Variants in KCNU1 observed in about 807,000 individuals in gnomAD.
KCNU1 encodes the protein potassium calcium-activated channel subfamily U member 1, also known as potassium channel subfamily U member 1.
In KCNU1, 93 loss-of-function variants were observed where a neutral mutation model predicts 126.8. That is an observed-to-expected ratio of 0.73 (90% CI 0.62 to 0.87). The LOEUF is 0.87. Among genes scored for constraint, KCNU1 ranks in the 40% least tolerant of loss-of-function variants. The pLI, the probability that KCNU1 is intolerant of heterozygous loss-of-function variation, is 0.00. For synonymous variants in KCNU1, 523 were observed against 494.2 expected (o/e 1.06, Z -0.77); for missense variants, 1,330 against 1,367.1 (o/e 0.97, Z 0.43).
chr8:36,802,083 T>C (rs1014968716), intron 2 of KCNU1, among the ~76,000 whole-genome samples: 4 of 116,096 alleles, frequency 3.4e-5, no homozygotes. Flanking sequence ...CACTGCAGCC[T>C]GGGGAAAAGA....
At chr8:36,843,441 T>C (rs1304647200) in intron 16 of KCNU1, among the ~76,000 whole-genome samples, 1 of 152,224 alleles carries the variant, frequency 6.6e-6, no homozygotes, top group Admixed American at 6.5e-5. Context: ...ATATGTTAAC[T>C]CTTGAATAAT....
chr8:36,817,591 C>T (rs1421868951), intron 9 of KCNU1, 59 bp from the exon 10 acceptor site: 1 of 789,818 alleles, frequency 1.3e-6, no homozygotes, highest in African/African-American at 1.7e-5. Context: ...TCTCTAAATG[C>T]TGACAGGAAG....
intron 7 of KCNU1, among the ~76,000 whole-genome samples, chr8:36,812,872 G>A (rs542435542): frequency 1.2e-4 from 19 of 152,106 alleles, no homozygotes; most frequent in South Asian, 2.1e-4. Flanking sequence ...ATTTTAAAGC[G>A]TTCTTTAAAA....
At chr8:36,864,299 C>A in intron 18 of KCNU1, 105 bp from the exon 19 acceptor site, 1 of 739,898 alleles carries the variant, frequency 1.4e-6, no homozygotes, top group Non-Finnish European at 2.4e-6. Flanking sequence ...GACTCCCCAG[C>A]CTTTCCCTAG....
chr8:36,866,459 A>G (rs1805915238), intron 19 of KCNU1, among the ~76,000 whole-genome samples: 2 of 152,056 alleles, frequency 1.3e-5, no homozygotes, highest in African/African-American at 2.4e-5. Flanking sequence ...CTGCCTTCCA[A>G]TCCCAGATTT....
intron 24 of KCNU1, among the ~76,000 whole-genome samples, chr8:36,925,352 G>A (rs1808498757): frequency 6.6e-6 from 1 of 152,140 alleles, no homozygotes; most frequent in Non-Finnish European, 1.5e-5. Context: ...AGGGAAGAAA[G>A]CGTCTTCTAT....
intron 22 of KCNU1, among the ~76,000 whole-genome samples, chr8:36,915,548 T>C (rs1398330183): frequency 1.3e-5 from 2 of 152,234 alleles, no homozygotes; most frequent in Non-Finnish European, 2.9e-5. Flanking sequence ...TCTCATTTCC[T>C]TACTTTAAAT....
At chr8:36,928,376 T>C (rs1005094435) in intron 24 of KCNU1, among the ~76,000 whole-genome samples, 7 of 152,068 alleles carry the variant, frequency 4.6e-5, no homozygotes, top group African/African-American at 1.7e-4. Flanking sequence ...CACATGTTCT[T>C]AAACAGATTG....
chr8:36,840,863 CAG>C, intron 15 of KCNU1, 67 bp from the exon 16 acceptor site: 1 of 1,058,778 alleles, frequency 9.4e-7, no homozygotes, highest in East Asian at 2.4e-5. Flanking sequence ...GCACAGAGCA[CAG>C]AGTGTTAGTT....
chr8:36,892,223 T>A lies in KCNU1; in HGVS notation c.2010-13485T>A, dbSNP rs983156072. On this transcript the variant is annotated intron_variant, in intron 19 of 26. Transcript: ENST00000399881. ...ATTCAAGCTCATTTATTCCTTCTTC[T>A]GCCAACTCAGATCTGCTGCTGAGCT... 2.0e-4 allele frequency among the ~76,000 whole-genome samples: 31 copies of A among 152,254 alleles called. 1 individual carries two copies. Among genetic ancestry groups the A allele is most frequent in the African/African-American group, 7.5e-4 (31 of 41,586 alleles).
chr8:36,811,324 T>C (rs998282260), intron 7 of KCNU1, among the ~76,000 whole-genome samples: 2 of 152,066 alleles, frequency 1.3e-5, no homozygotes, highest in African/African-American at 4.8e-5. Flanking sequence ...ATTCTAATCA[T>C]ATATTGGAGC....
chr8:36,867,472 G>A (rs951143036), intron 19 of KCNU1, among the ~76,000 whole-genome samples: 1 of 152,172 alleles, frequency 6.6e-6, no homozygotes, highest in African/African-American at 2.4e-5. Flanking sequence ...ATGCATGTGT[G>A]TGTACACTAT....
chr8:36,931,174 T>TC (rs765407624), intron 25 of KCNU1, 29 bp downstream of exon 25: 1 of 1,537,166 alleles, frequency 6.5e-7, no homozygotes, highest in Non-Finnish European at 8.9e-7. Context: ...GAATTCAGTT[T>TC]TTCACTTCTT....
intron 26 of KCNU1, among the ~76,000 whole-genome samples, chr8:36,933,417 G>A (rs1240715004): frequency 6.6e-6 from 1 of 152,066 alleles, no homozygotes; most frequent in Non-Finnish European, 1.5e-5. Context: ...GACTCATTGG[G>A]TAAATATTGA....
intron 2 of KCNU1, among the ~76,000 whole-genome samples, chr8:36,800,924 G>C (rs1447091303): frequency 1.3e-5 from 2 of 152,212 alleles, no homozygotes; most frequent in Admixed American, 1.3e-4. Flanking sequence ...AACAAAACAG[G>C]ACTGAGTGTG....
chr8:36,851,914 T>G (rs1206953989), intron 18 of KCNU1, among the ~76,000 whole-genome samples: 1 of 152,180 alleles, frequency 6.6e-6, no homozygotes, highest in East Asian at 1.9e-4. Flanking sequence ...AGTACCTTCT[T>G]AAATAGAAGT....
intron 10 of KCNU1, among the ~76,000 whole-genome samples, chr8:36,828,708 T>C (rs556957760): frequency 6.6e-6 from 1 of 152,246 alleles, no homozygotes; most frequent in Admixed American, 6.5e-5. Flanking sequence ...GTTAACATGC[T>C]TGTATATGGC....
At chr8:36,851,409 C>CAA (rs1346143444) in intron 18 of KCNU1, among the ~76,000 whole-genome samples, 3 of 151,916 alleles carry the variant, frequency 2.0e-5, no homozygotes, top group Non-Finnish European at 4.4e-5. Flanking sequence ...CTCTCTCTCT[C>CAA]TCTGTCTCTC....
intron 10 of KCNU1, among the ~76,000 whole-genome samples, chr8:36,828,252 T>C (rs1181763771): frequency 6.6e-6 from 1 of 152,110 alleles, no homozygotes; most frequent in Admixed American, 6.6e-5. Flanking sequence ...ATAATTGGTT[T>C]ACACATAAGC....
Sources: gnomAD v4.1 joint callset for allele counts (sites outside exome capture counted in the v4.1 genomes callset) on GRCh38, gnomAD v4.1.1 for gene constraint, MANE v1.5 for transcripts, NCBI Gene and HGNC (gene_info 2026-07-23, HGNC 2026-07-21) for gene names.